The following OAS3 variants were observed in gnomAD, a reference collection of about 807,000 sequenced individuals.
OAS3 encodes the protein 2'-5'-oligoadenylate synthase 3.
Under a neutral mutation model 113.0 loss-of-function variants are expected in OAS3, and 107 were observed. The ratio of observed to expected loss-of-function variants is 0.95; its 90% CI spans 0.81 to 1.11. The LOEUF is 1.11. Among genes scored for constraint, OAS3 ranks in the 50% most tolerant of loss-of-function variants. The probability of loss-of-function intolerance (pLI) is 0.00; values close to 1 mark genes in which losing one functional copy is unlikely to be tolerated. For missense variants in OAS3, 1,258 were observed against 1,389.1 expected (o/e 0.91, Z 1.50); for synonymous variants, 552 against 573.6 (o/e 0.96, Z 0.54).
In OAS3 at chr12:112,970,136, G is replaced by C. The variant is rs943242163; in HGVS notation, c.*163G>C. 8.7e-6 allele frequency: 7 copies of C among 800,036 alleles called. No individual in the cohort carries two copies. The highest frequency in any genetic ancestry group is 1.5e-5 in the Non-Finnish European group (7 of 482,090). 49.6% of individuals were successfully genotyped at this position (800,036 alleles called of 1,614,324 possible). A position where few individuals can be genotyped will look rare whatever the true frequency, so the allele number is the denominator to read the frequency against. On this transcript the variant is annotated 3_prime_UTR_variant, in exon 16 of 16. Transcript: ENST00000228928. ...CACGTGTGCATGTGTGTGTTTTAGT[G>C]AATCTGCTCTCCCAGCTCACACACT...
chr12:112,948,909 G>T lies in OAS3; in HGVS notation c.1078G>T (p.Asp360Tyr), dbSNP rs772422390. The T allele has an allele frequency of 1.8e-5, 29 of 1,605,706 alleles. No homozygotes were observed. The highest frequency in any genetic ancestry group is 2.4e-5 in the Non-Finnish European group (28 of 1,176,106). Residue 360 changes from aspartate to tyrosine, a missense_variant, in exon 6 of 16, where the codon GAC becomes TAC. Coordinates refer to ENST00000228928, the MANE Select transcript of OAS3 (RefSeq NM_006187.4). ...CSGLGHPIQL[D>Y]PNQKTPENSK... ...AGGTTTGGGCCACCCCATCCAGCTA[G>T]ACCCTAACCAGAAGACCCCTGAAAA... is the stretch of plus-strand genomic sequence containing the variant.
At chr12:112,941,443 T>A in intron 1 of OAS3, 127 bp from the exon 2 acceptor site, 1 of 1,023,790 alleles carries the variant, frequency 9.8e-7, no homozygotes, top group South Asian at 1.6e-5. Context: ...CCCGCGTGGC[T>A]TCAATGCCTA....
intron 7 of OAS3, among the ~76,000 whole-genome samples, chr12:112,959,408 A>G (rs1395165110): frequency 6.6e-6 from 1 of 152,156 alleles, no homozygotes. Context: ...GGAAATGCAG[A>G]AATCACCCAT....
chr12:112,946,670 C>A, intron 3 of OAS3, 73 bp from the exon 4 acceptor site: 1 of 1,343,666 alleles, frequency 7.4e-7, no homozygotes, highest in Non-Finnish European at 1.0e-6. Context: ...GGTCCCCAGT[C>A]TGGTTATGCA....
chr12:112,955,849 A>T (rs1460446918), intron 7 of OAS3, among the ~76,000 whole-genome samples: 1 of 152,266 alleles, frequency 6.6e-6, no homozygotes, highest in Non-Finnish European at 1.5e-5. Flanking sequence ...TGCTGGCCTC[A>T]TAAAATGAGT....
rs1159254654 is a variant in OAS3 at position 112,967,942 on chromosome 12, A to T, written c.2872A>T (p.Lys958Ter). 1.1e-5 allele frequency: 18 copies of T among 1,613,518 alleles called. No individual in the cohort carries two copies. Among genetic ancestry groups the T allele is most frequent in the Non-Finnish European group, 1.4e-5 (16 of 1,179,598 alleles). ...CTTTCTTCTCGTTCTCCAGTGTACC[A>T]AGATCTCCAAGGGGAGAGGCTCCCT... ...LVKHWYQQCT[K>*]ISKGRGSLPP... Residue 958 changes from lysine (K) to a stop codon, truncating the protein, a stop_gained, in exon 14 of 16, where the codon AAG (lysine) becomes TAG (stop). Coordinates refer to ENST00000228928, the MANE Select transcript of OAS3 (RefSeq NM_006187.4). LOFTEE classifies it high-confidence loss of function.
intron 8 of OAS3, 125 bp downstream of exon 8, chr12:112,961,371 G>A: frequency 1.1e-6 from 1 of 876,990 alleles, no homozygotes; most frequent in Non-Finnish European, 1.7e-6. Context: ...AGAGCAGAAG[G>A]ACCGGCCTCC....
chr12:112,955,389 T>C (rs1046909462), intron 7 of OAS3, among the ~76,000 whole-genome samples: 1 of 152,252 alleles, frequency 6.6e-6, no homozygotes, highest in African/African-American at 2.4e-5. Context: ...AGGGCATCCC[T>C]GTCTTGTGCC....
chr12:112,966,411 C>T (rs1482673292), intron 12 of OAS3, among the ~76,000 whole-genome samples: 2 of 152,200 alleles, frequency 1.3e-5, no homozygotes, highest in Non-Finnish European at 2.9e-5. Context: ...CCACCCACCT[C>T]CTCCACCTGC....
intron 7 of OAS3, among the ~76,000 whole-genome samples, chr12:112,955,946 G>C (rs569822320): frequency 6.6e-6 from 1 of 152,162 alleles, no homozygotes; most frequent in African/African-American, 2.4e-5. Context: ...GTAGAATTCG[G>C]CTGTGAATCC....
intron 7 of OAS3, 46 bp from the exon 8 acceptor site, chr12:112,961,024 TG>T (rs1357462704): frequency 2.5e-6 from 4 of 1,588,956 alleles, no homozygotes; most frequent in Non-Finnish European, 3.4e-6. Context: ...TAAATGCTGC[TG>T]TCTTCAATTG....
intron 2 of OAS3, among the ~76,000 whole-genome samples, chr12:112,943,243 CAT>C (rs1374882622): frequency 2.6e-5 from 4 of 152,132 alleles, no homozygotes; most frequent in African/African-American, 4.8e-5. Context: ...CCTGGGTACA[CAT>C]ATATTAATCA....
chr12:112,960,154 C>T (rs945358314), intron 7 of OAS3, among the ~76,000 whole-genome samples: 8 of 152,016 alleles, frequency 5.3e-5, no homozygotes, highest in African/African-American at 1.9e-4. Flanking sequence ...GAAATATTAC[C>T]CTTGGGACCA....
intron 7 of OAS3, among the ~76,000 whole-genome samples, chr12:112,953,900 G>A (rs2043812101): frequency 6.6e-6 from 1 of 152,186 alleles, no homozygotes. Flanking sequence ...CCCTTTGTCA[G>A]ATGAGTAGAT....
rs755596868 is a variant in OAS3 at position 112,969,984 on chromosome 12, A to C, written c.*11A>C. 1.1e-5 allele frequency: 17 copies of C among 1,607,246 alleles called. No individual in the cohort carries two copies. Among genetic ancestry groups the C allele is most frequent in the Admixed American group, 5.1e-5 (3 of 59,110 alleles). Reference sequence around the variant, plus strand: ...CAGGCTGCTGTGTGAAGTTGAGAAAATCAGCGGTCCTACTGGATGAAGAGA... The same window carrying C: ...CAGGCTGCTGTGTGAAGTTGAGAAACTCAGCGGTCCTACTGGATGAAGAGA... On this transcript the variant is annotated 3_prime_UTR_variant, in exon 16 of 16. Coordinates refer to ENST00000228928, the MANE Select transcript of OAS3 (RefSeq NM_006187.4).
At position 112,950,977 on chromosome 12, in the gene OAS3, T is replaced by G. The variant is rs1384865848; in HGVS notation, c.1657+2T>G. On this transcript the variant is annotated splice_donor_variant, in intron 7 of 15. Coordinates refer to ENST00000228928, the MANE Select transcript of OAS3 (RefSeq NM_006187.4). LOFTEE classifies it high-confidence loss of function. ...TGCTGCCTGCCTTCGATGCTGTGGG[T>G]GAGGGCGCCCAGCCTGTCCCTTGGA... 4.3e-6 allele frequency: 7 copies of G among 1,611,750 alleles called. No homozygotes were observed. Among genetic ancestry groups the G allele is most frequent in the Middle Eastern group, 1.8e-4 (1 of 5,576 alleles).
chr12:112,941,435 C>G, intron 1 of OAS3, 135 bp from the exon 2 acceptor site: 1 of 875,270 alleles, frequency 1.1e-6, no homozygotes, highest in Non-Finnish European at 1.8e-6. Flanking sequence ...CCCACATTCC[C>G]GCGTGGCTTC....
At chr12:112,950,572 C>T in intron 6 of OAS3, 121 bp from the exon 7 acceptor site, 1 of 1,176,194 alleles carries the variant, frequency 8.5e-7, no homozygotes, top group Non-Finnish European at 1.2e-6. Context: ...TCATAGTCCC[C>T]AGACCTGACA....
At position 112,971,850 on chromosome 12, in the gene OAS3, C is replaced by A. The variant is rs1296385236; in HGVS notation, c.*1877C>A. The stretch of plus-strand genomic sequence containing the variant: ...TCTAATACCTGTGCCATATTGACAG[C>A]CTCCATCCCTGTCCCCCATCTTGGT... On this transcript the variant is annotated 3_prime_UTR_variant, in exon 16 of 16. Transcript: ENST00000228928. The A allele has an allele frequency of 6.6e-6, 1 of 152,316 alleles. No individual in the cohort carries two copies. The highest frequency in any genetic ancestry group is 1.5e-5 in the Non-Finnish European group (1 of 68,112). 9.4% of individuals were successfully genotyped at this position (152,316 alleles called of 1,614,324 possible).
Sources: gnomAD v4.1 joint callset for allele counts (sites outside exome capture counted in the v4.1 genomes callset) on GRCh38, gnomAD v4.1.1 for gene constraint, MANE v1.5 for transcripts, NCBI Gene and HGNC (gene_info 2026-07-23, HGNC 2026-07-21) for gene names.